SPON1: variants seen among roughly 807,000 people sequenced by gnomAD.
SPON1 encodes the protein spondin-1.
SPON1 carries 52 observed loss-of-function variants against 111.7 expected under a neutral mutation model. The observed-to-expected ratio is 0.47, with a 90% CI of 0.37 to 0.59. The LOEUF is 0.59. SPON1 is among the 20% of genes least tolerant of loss of function. SPON1 has a pLI of 0.00. For missense variants in SPON1, 957 were observed against 1,068.5 expected (o/e 0.90, Z 1.46); for synonymous variants, 410 against 395.8 (o/e 1.04, Z -0.43).
intron 1 of SPON1, among the ~76,000 whole-genome samples, chr11:13,978,457 C>T (rs552801156): frequency 1.4e-4 from 21 of 152,188 alleles, no homozygotes; most frequent in Admixed American, 3.3e-4. Context: ...TACCCTTGAA[C>T]GTCTTACAAA....
At chr11:14,198,534 A>C (rs1283171504) in intron 6 of SPON1, among the ~76,000 whole-genome samples, 1 of 152,236 alleles carries the variant, frequency 6.6e-6, no homozygotes, top group African/African-American at 2.4e-5. Context: ...GTGCTCTGTG[A>C]ATGTCAGTTG....
At chr11:14,099,889 G>A (rs1554924223) in intron 5 of SPON1, among the ~76,000 whole-genome samples, 1 of 152,030 alleles carries the variant, frequency 6.6e-6, no homozygotes, top group East Asian at 1.9e-4. Context: ...GAGGGACAGA[G>A]GGAAGAGGTG....
At chr11:14,147,751 C>CTTTTCT (rs372102478) in intron 6 of SPON1, among the ~76,000 whole-genome samples, 2 of 145,704 alleles carry the variant, frequency 1.4e-5, no homozygotes, top group African/African-American at 5.1e-5. Flanking sequence ...AATACTAAGA[C>CTTTTCT]TTTTTTTTTT....
intron 5 of SPON1, among the ~76,000 whole-genome samples, chr11:14,088,580 A>C (rs1554922977): frequency 6.7e-6 from 1 of 150,274 alleles, no homozygotes; most frequent in African/African-American, 2.5e-5. Flanking sequence ...CCTTCATTTC[A>C]ACCTTGGTGA....
At chr11:14,097,635 G>A (rs569912937) in intron 5 of SPON1, among the ~76,000 whole-genome samples, 3 of 152,202 alleles carry the variant, frequency 2.0e-5, no homozygotes, top group African/African-American at 4.8e-5. Flanking sequence ...GCATGGTGGT[G>A]CGTGCCTGTA....
intron 3 of SPON1, among the ~76,000 whole-genome samples, chr11:14,051,845 G>T (rs1275652521): frequency 2.6e-5 from 4 of 152,158 alleles, no homozygotes; most frequent in Admixed American, 1.3e-4. Context: ...TAAATGCATT[G>T]CATGTCTTAT....
chr11:14,070,129 G>A (rs1254135761), intron 3 of SPON1, among the ~76,000 whole-genome samples: 1 of 152,184 alleles, frequency 6.6e-6, no homozygotes, highest in Non-Finnish European at 1.5e-5. Context: ...TATCATTGCA[G>A]TGACTTCAAT....
rs181627925 is a variant in SPON1 at position 14,161,519 on chromosome 11, G to A, written c.825+25951G>A. On this transcript the variant is annotated intron_variant, in intron 6 of 15. Coordinates refer to ENST00000576479, the MANE Select transcript of SPON1 (RefSeq NM_006108.4). ...TTTTTAGTAGAGACGGGCTTTCCGC[G>A]TGTTGTCCAGGCTGGTCTCAAACTC... Among the ~76,000 whole-genome samples the A allele has an allele frequency of 6.6e-5, 10 of 151,048 alleles. No individual in the cohort carries two copies. In the East Asian group the frequency reaches 9.8e-4, roughly 15 times the overall value.
chr11:14,253,816 T>G (rs1001857729), intron 7 of SPON1, among the ~76,000 whole-genome samples: 2 of 152,196 alleles, frequency 1.3e-5, no homozygotes, highest in Non-Finnish European at 2.9e-5. Context: ...CCCACAGGAT[T>G]GTCATGAGGG....
intron 6 of SPON1, among the ~76,000 whole-genome samples, chr11:14,213,777 C>G (rs541371675): frequency 6.6e-6 from 1 of 152,190 alleles, no homozygotes; most frequent in Non-Finnish European, 1.5e-5. Context: ...AAGTACATAT[C>G]CCAGGGATGG....
chr11:14,236,642 T>C (rs555187077), intron 6 of SPON1, among the ~76,000 whole-genome samples: 1 of 152,308 alleles, frequency 6.6e-6, no homozygotes, highest in East Asian at 1.9e-4. Flanking sequence ...ACCAAAGGCT[T>C]GAGCCCTGGG....
At chr11:14,084,682 T>A (rs1250414510) in intron 5 of SPON1, among the ~76,000 whole-genome samples, 1 of 152,186 alleles carries the variant, frequency 6.6e-6, no homozygotes, top group Non-Finnish European at 1.5e-5. Context: ...GATCACTAGG[T>A]CGAATGGCAT....
chr11:14,263,050 G>GT (rs1160056671), intron 15 of SPON1, 75 bp downstream of exon 15: 8 of 549,640 alleles, frequency 1.5e-5, no homozygotes, highest in Admixed American at 1.0e-4. Flanking sequence ...TCTTGGACCT[G>GT]TTTAAAAAAA....
intron 6 of SPON1, among the ~76,000 whole-genome samples, chr11:14,136,158 C>T (rs1241713998): frequency 6.6e-6 from 1 of 152,144 alleles, no homozygotes; most frequent in Non-Finnish European, 1.5e-5. Context: ...CTGACAGTGC[C>T]ATCGTCCTTC....
intron 3 of SPON1, among the ~76,000 whole-genome samples, chr11:14,055,192 C>T (rs1487092314): frequency 2.0e-5 from 3 of 152,170 alleles, no homozygotes; most frequent in African/African-American, 7.2e-5. Context: ...ATAACACACT[C>T]CTATCTTTCT....
At chr11:14,149,650 G>A (rs1277044736) in intron 6 of SPON1, among the ~76,000 whole-genome samples, 10 of 152,038 alleles carry the variant, frequency 6.6e-5, no homozygotes, top group African/African-American at 2.4e-4. Context: ...TGTACCATTT[G>A]TTATCTTTTA....
chr11:14,091,381 G>T (rs1472052117), intron 5 of SPON1, among the ~76,000 whole-genome samples: 1 of 152,224 alleles, frequency 6.6e-6, no homozygotes, highest in Non-Finnish European at 1.5e-5. Context: ...AGCAGGGGGT[G>T]GTGCTCGTTG....
At chr11:13,996,406 A>G (rs868933949) in intron 2 of SPON1, among the ~76,000 whole-genome samples, 1 of 152,238 alleles carries the variant, frequency 6.6e-6, no homozygotes, top group South Asian at 2.1e-4. Flanking sequence ...CCTGGAATGG[A>G]CATTGGGTCC....
intron 1 of SPON1, among the ~76,000 whole-genome samples, chr11:13,979,837 C>T (rs895277671): frequency 6.6e-6 from 1 of 152,154 alleles, no homozygotes; most frequent in African/African-American, 2.4e-5. Flanking sequence ...GTCCTCTGTT[C>T]CCTTTCCTCC....
Sources: allele counts gnomAD v4.1 joint callset (sites outside exome capture counted in the v4.1 genomes callset), GRCh38; gene constraint gnomAD v4.1.1; transcripts MANE v1.5; gene names NCBI Gene and HGNC (gene_info 2026-07-23, HGNC 2026-07-21).